Variants in RPS10 observed in about 807,000 individuals in gnomAD.
RPS10 encodes ribosomal protein S10.
Under a neutral mutation model 22.6 loss-of-function variants are expected in RPS10, and 2 were observed. The observed-to-expected ratio is 0.09, with a 90% CI of 0.04 to 0.28. The LOEUF is 0.28. Among genes scored for constraint, RPS10 ranks in the 10% least tolerant of loss-of-function variants. RPS10 has a pLI of 1.00. For missense variants in RPS10, 137 were observed against 222.2 expected (o/e 0.62, Z 2.44); for synonymous variants, 70 against 75.9 (o/e 0.92, Z 0.40).
In RPS10 at chr6:34,424,753, G is replaced by A. The variant is rs892294131; in HGVS notation, c.238C>T (p.Arg80Cys). 1 of 1,614,088 alleles carries A rather than the reference G, an allele frequency of 6.2e-7. No individual in the cohort carries two copies. The highest frequency in any genetic ancestry group is 1.7e-5 in the Admixed American group (1 of 60,020). Reference protein sequence around the residue: ...YLTNEGIQYLRDYLHLPPEIV... With the variant: ...YLTNEGIQYLCDYLHLPPEIV... ...TCCGGGGGCAGATGAAGGTAATCAC[G>A]GAGATACTGGATACCCTCATTGGTA... is the stretch of plus-strand genomic sequence containing the variant. The change falls in exon 3 of 6, where the codon CGT (arginine) becomes TGT (cysteine). Residue 80 changes from arginine (R) to cysteine (C), a missense_variant. Physicochemically the swap from Arg to Cys is radical, Grantham distance 180 (BLOSUM62 -3). Coordinates refer to ENST00000648437, the MANE Select transcript of RPS10 (RefSeq NM_001014.5).
intron 5 of RPS10, chr6:34,418,093 C>G: frequency 3.2e-6 from 4 of 1,252,498 alleles, no homozygotes; most frequent in Non-Finnish European, 4.3e-6. Flanking sequence ...GCCCACCCAC[C>G]TTCCAGTGTT....
intron 3 of RPS10, among the ~76,000 whole-genome samples, chr6:34,422,300 A>C (rs1264598083): frequency 6.6e-6 from 1 of 152,156 alleles, no homozygotes; most frequent in African/African-American, 2.4e-5. Context: ...ATATATATTA[A>C]GGCAGAAACT....
rs199758134 is a variant in RPS10 at position 34,418,393 on chromosome 6, A to C, written c.432T>G (p.Ala144=). Residue 144 remains alanine, a synonymous_variant, in exon 5 of 6, where the codon GCT becomes GCG. Transcript: ENST00000648437. ...PGADKKAEAG[A]GSATEFQFRG... ...CAAACTGGAATTCGGTTGCTGACCC[A>C]GCCCCAGCCTCGGCTTTCTTGTCGG... 57 of 1,614,208 alleles carry C rather than the reference A, an allele frequency of 3.5e-5. No homozygotes were observed. In the Admixed American group the frequency reaches 6.5e-4, roughly 18 times the overall value.
In RPS10 at chr6:34,425,092, G is replaced by T. The variant is rs1765909846; in HGVS notation, c.130C>A (p.His44Asn). ...CCTACCTGCATGGCCTTCATGACAT[G>T]AAGGTTGGGCACATTCTTGTCTGCC... Reference protein sequence around the residue: ...ELADKNVPNLHVMKAMQSLKS... With the variant: ...ELADKNVPNLNVMKAMQSLKS... The change falls in exon 2 of 6, where the codon CAT (histidine) becomes AAT (asparagine). Residue 44 changes from histidine to asparagine, a missense_variant. By Grantham distance (68) the His-to-Asn change is moderately conservative. Coordinates refer to ENST00000648437, the MANE Select transcript of RPS10 (RefSeq NM_001014.5). 1.9e-6 allele frequency: 3 copies of T among 1,612,546 alleles called. No homozygotes were observed. The highest frequency in any genetic ancestry group is 2.5e-6 in the Non-Finnish European group (3 of 1,179,976).
chr6:34,421,299 T>G (rs1765758140), intron 4 of RPS10, among the ~76,000 whole-genome samples: 1 of 151,924 alleles, frequency 6.6e-6, no homozygotes, highest in South Asian at 2.1e-4. Context: ...TTCTCATGCC[T>G]CAGCCTCCTA....
Position 34,418,293 on chromosome 6 carries a change from C to T in RPS10, c.456+76G>A, listed in dbSNP as rs370540329. ...GGACCCACCCATACTATATGACATC[C>T]CCACAACTTGCAGAGCAACCAGACT... On this transcript the variant is annotated intron_variant, in intron 5 of 5. Transcript: ENST00000648437. 1.1e-5 allele frequency: 17 copies of T among 1,610,698 alleles called. No homozygotes were observed. In the East Asian group the frequency reaches 1.6e-4, roughly 15 times the overall value.
intron 5 of RPS10, 33 bp from the exon 6 acceptor site, chr6:34,417,580 C>T (rs768599640): frequency 5.6e-6 from 9 of 1,611,928 alleles, no homozygotes; most frequent in Admixed American, 3.3e-5. Context: ...TCAGCATGAG[C>T]GGCACTCTGG....
chr6:34,419,228 T>C (rs1765680457), intron 4 of RPS10, among the ~76,000 whole-genome samples: 1 of 151,926 alleles, frequency 6.6e-6, no homozygotes. Context: ...TTCATGTTGG[T>C]TTCTCCAGGC....
In RPS10 at chr6:34,424,140, T is replaced by TAAAAAAAAAAAAAA. The variant is rs71538239; in HGVS notation, c.322+515_322+528dup. ...GCTGGGCAACAGAGCAAGACTCCGT[T>TAAAAAAAAAAAAAA]AAAAAAAAAAAAAAAAAAAAAAAAG... On this transcript the variant is annotated intron_variant, in intron 3 of 5. Transcript: ENST00000648437. 3.9e-3 allele frequency: 194 copies of TAAAAAAAAAAAAAA among 49,142 alleles called. 52 individuals carry two copies. The highest frequency in any genetic ancestry group is 0.023 in the East Asian group (21 of 918). The allele number at this position is 49,142 out of a possible 1,614,324, so 3.0% of individuals were successfully genotyped here.
intron 4 of RPS10, 63 bp from the exon 5 acceptor site, chr6:34,418,487 G>A: frequency 6.2e-7 from 1 of 1,611,566 alleles, no homozygotes. Flanking sequence ...AACAAGGGAA[G>A]ACAACTCACT....
chr6:34,422,898 T>G (rs1008360019), intron 3 of RPS10, among the ~76,000 whole-genome samples: 1 of 151,400 alleles, frequency 6.6e-6, no homozygotes, highest in African/African-American at 2.4e-5. Flanking sequence ...CTGGCCAACA[T>G]GGTAAAACCC....
rs1302053908 is a variant in RPS10, at chr6:34,421,076, G to A, written c.400+654C>T. ...TTCCTTTGCAAAAATACTAACAAAA[G>A]CTCCACATTTTACCGAAGAGGTTTT... On this transcript the variant is annotated intron_variant, in intron 4 of 5. Transcript: ENST00000648437. 2.2e-5 allele frequency among the ~76,000 whole-genome samples: 3 copies of A among 138,620 alleles called. No individual in the cohort carries two copies. In the South Asian group the frequency reaches 7.0e-4, roughly 32 times the overall value. The allele number at this position is 138,620 out of a possible 152,430, so 90.9% of individuals were successfully genotyped here.
intron 4 of RPS10, among the ~76,000 whole-genome samples, chr6:34,420,848 T>C (rs1322770798): frequency 6.6e-6 from 1 of 150,722 alleles, no homozygotes; most frequent in Non-Finnish European, 1.5e-5. Context: ...CTACTAAAAA[T>C]ACAAAAAAAA....
chr6:34,425,243 C>A, intron 1 of RPS10, 22 bp from the exon 2 acceptor site: 2 of 1,593,738 alleles, frequency 1.3e-6, no homozygotes, highest in South Asian at 1.1e-5. Flanking sequence ...AGACGATTGT[C>A]AAGAGCACTT....
intron 3 of RPS10, 101 bp downstream of exon 3, chr6:34,424,568 G>T: frequency 6.6e-7 from 1 of 1,505,206 alleles, no homozygotes; most frequent in Non-Finnish European, 9.1e-7. Context: ...ATGCCTGCAG[G>T]CCAGAGCCCT....
intron 4 of RPS10, among the ~76,000 whole-genome samples, chr6:34,419,255 A>G (rs1765681463): frequency 6.6e-6 from 1 of 151,910 alleles, no homozygotes; most frequent in Non-Finnish European, 1.5e-5. Context: ...CAAACTCCCA[A>G]CCTCAAGTGA....
chr6:34,418,712 C>A (rs1246870743), intron 4 of RPS10, among the ~76,000 whole-genome samples: 2 of 152,048 alleles, frequency 1.3e-5, no homozygotes, highest in African/African-American at 2.4e-5. Flanking sequence ...CACTTCACAG[C>A]AGCATCTAGA....
intron 4 of RPS10, among the ~76,000 whole-genome samples, chr6:34,421,171 A>AT (rs74582476): frequency 0.2 from 28,755 of 146,794 alleles, 3,546 homozygotes; most frequent in Non-Finnish European, 0.26. Flanking sequence ...TACTGAAACC[A>AT]TATTTGTTAT....
At chr6:34,425,342 T>A in intron 1 of RPS10, 121 bp from the exon 2 acceptor site, 2 of 1,310,766 alleles carry the variant, frequency 1.5e-6, no homozygotes, top group Non-Finnish European at 2.1e-6. Flanking sequence ...GTGGGAAGAC[T>A]CAACTCCACA....
Sources: gnomAD v4.1 joint callset for allele counts (sites outside exome capture counted in the v4.1 genomes callset) on GRCh38, gnomAD v4.1.1 for gene constraint, MANE v1.5 for transcripts, NCBI Gene and HGNC (gene_info 2026-07-23, HGNC 2026-07-21) for gene names.